The following ZFHX2 variants were observed in gnomAD, a reference collection of about 807,000 sequenced individuals.
ZFHX2 encodes zinc finger homeobox protein 2.
Under a neutral mutation model 164.8 loss-of-function variants are expected in ZFHX2, and 75 were observed. The observed-to-expected ratio is 0.46, with a 90% confidence interval of 0.38 to 0.55. The LOEUF (loss-of-function observed/expected upper bound fraction) is 0.55. Ranked by LOEUF, ZFHX2 falls within the 20% of genes least tolerant of loss-of-function variation. The probability of loss-of-function intolerance (pLI) is 0.00; values close to 1 mark genes in which losing one functional copy is unlikely to be tolerated. For missense variants in ZFHX2, 2,933 were observed against 3,308.0 expected (o/e 0.89, Z 2.78); for synonymous variants, 1,217 against 1,351.4 (o/e 0.90, Z 2.18).
chr14:23,523,043 G>T lies in ZFHX2; in HGVS notation c.6740-102C>A. ...CCACACACACCCGTTCCCAGCACCG[G>T]ATTTCCATGCCCCTTCCCTCCCTTC... On this transcript the variant is annotated intron_variant, in intron 9 of 9. Transcript: ENST00000419474. The surrounding 1 kb of genome is among the most constrained non-coding windows in gnomAD (Gnocchi z 4.1). The T allele has an allele frequency of 2.1e-6, 3 of 1,406,208 alleles. No homozygotes were observed. Among genetic ancestry groups the T allele is most frequent in the Non-Finnish European group, 2.8e-6 (3 of 1,084,842 alleles). The allele number at this position is 1,406,208 out of a possible 1,614,324, so 87.1% of individuals were successfully genotyped here.
chr14:23,530,813 C>T (rs2138753407), intron 4 of ZFHX2: 2 of 241,674 alleles, frequency 8.3e-6, no homozygotes, highest in Admixed American at 5.3e-5. Flanking sequence ...GCTGCGTGTT[C>T]CTGGCTCCTG....
chr14:23,539,771 G>GAAACACT (rs1880595693), intron 1 of ZFHX2, among the ~76,000 whole-genome samples: 1 of 152,106 alleles, frequency 6.6e-6, no homozygotes, highest in East Asian at 1.9e-4. Context: ...GAGAGGAAAG[G>GAAACACT]AAACACTACT....
At chr14:23,544,217 T>G (rs1395886862) in intron 1 of ZFHX2, 2 of 146,686 alleles carry the variant, frequency 1.4e-5, no homozygotes, top group Admixed American at 6.9e-5. Context: ...ATTGCACCAC[T>G]GCACTCCAGC....
Position 23,535,234 on chromosome 14 carries a change from C to A in ZFHX2, c.92G>T (p.Ser31Ile), listed in dbSNP as rs1056155297. ...TTTGGTGACAGGATCAGAGGGGGTGCTGGAGGAGAAGGTGTCCGAAGGCAG... is the reference window on the plus strand; with the variant it reads ...TTTGGTGACAGGATCAGAGGGGGTGATGGAGGAGAAGGTGTCCGAAGGCAG... ...PSLPSDTFSS[S>I]TPSDPVTKDP... The change falls in exon 2 of 10, where the codon AGC becomes ATC. Residue 31 changes from serine to isoleucine, a missense_variant. Coordinates refer to ENST00000419474, the MANE Select transcript of ZFHX2 (RefSeq NM_033400.3). This position sits in a 1 kb window ranked among gnomAD's most constrained non-coding sequence, Gnocchi z 4.5. 36 of 1,520,918 alleles carry A rather than the reference C, an allele frequency of 2.4e-5. No homozygotes were observed. Among genetic ancestry groups the A allele is most frequent in the Non-Finnish European group, 3.0e-5 (34 of 1,135,302 alleles). The allele number at this position is 1,520,918 out of a possible 1,614,324, so 94.2% of individuals were successfully genotyped here. A position where few individuals can be genotyped will look rare whatever the true frequency, so the allele number is the denominator to read the frequency against.
At position 23,530,155 on chromosome 14, in the gene ZFHX2, G is replaced by A. The variant is rs1879343801; in HGVS notation, c.2840C>T (p.Pro947Leu). ...TGTCTTGTTCTGGGCATCTTTCTCA[G>A]GGGTGGGTGGCTCAGCTAAGGGGGT... ...PVTPLAEPPT[P>L]EKDAQNKTEQ... The change falls in exon 5 of 10, where the codon CCT (proline) becomes CTT (leucine). Residue 947 changes from proline (P) to leucine (L), a missense_variant. By Grantham distance (98) the Pro-to-Leu change is moderately conservative (BLOSUM62 -3). Transcript: ENST00000419474. The A allele has an allele frequency of 2.6e-6, 4 of 1,536,150 alleles. No homozygotes were observed. The highest frequency in any genetic ancestry group is 1.7e-4 in the Middle Eastern group (1 of 5,990).
intron 1 of ZFHX2, among the ~76,000 whole-genome samples, chr14:23,541,639 A>G (rs1005173865): frequency 6.6e-6 from 1 of 152,144 alleles, no homozygotes; most frequent in Non-Finnish European, 1.5e-5. Flanking sequence ...AGCCCTCTTG[A>G]TTGCTGGGTC....
Position 23,523,773 on chromosome 14 carries a change from T to A in ZFHX2, c.6169A>T (p.Thr2057Ser), listed in dbSNP as rs1878351291. 1 of 1,535,992 alleles carries A rather than the reference T, an allele frequency of 6.5e-7. No individual in the cohort carries two copies. The highest frequency in any genetic ancestry group is 1.4e-5 in the African/African-American group (1 of 72,986). ...GGTSGGPGGG[T>S]GVPDGMGQRR... ...TGCCCCATTCCATCTGGAACCCCAG[T>A]CCCACCTCCAGGTCCCCCACTGGTC... The change falls in exon 9 of 10, where the codon ACT becomes TCT. Residue 2057 changes from threonine to serine, a missense_variant. By Grantham distance (58) the Thr-to-Ser change is moderately conservative (BLOSUM62 1). Transcript: ENST00000419474. This position sits in a 1 kb window ranked among gnomAD's most constrained non-coding sequence, Gnocchi z 4.1.
chr14:23,536,285 A>C (rs1379455796), intron 1 of ZFHX2, among the ~76,000 whole-genome samples: 1 of 152,230 alleles, frequency 6.6e-6, no homozygotes, highest in Admixed American at 6.5e-5. Context: ...TGCCACAGTC[A>C]GTGTCTTTTG....
Position 23,534,052 on chromosome 14 carries a change from T to G in ZFHX2, c.1274A>C (p.Tyr425Ser). ...CTGGAAGGCTGCAGGGGCTGGGGTG[T>G]AGTCATCAGCTAGGCGATAGGGCTG... ...PPQPYRLADDYTPAPAAFQGL... is the reference protein window; with the variant it reads ...PPQPYRLADDSTPAPAAFQGL... Residue 425 changes from tyrosine (Y) to serine (S), a missense_variant, in exon 2 of 10, where the codon TAC becomes TCC. By Grantham distance (144) the Tyr-to-Ser change is moderately radical. Coordinates refer to ENST00000419474, the MANE Select transcript of ZFHX2 (RefSeq NM_033400.3). This position sits in a 1 kb window ranked among gnomAD's most constrained non-coding sequence, Gnocchi z 4.5. 2 of 1,532,636 alleles carry G rather than the reference T, an allele frequency of 1.3e-6. No homozygotes were observed. Among genetic ancestry groups the G allele is most frequent in the East Asian group, 4.9e-5 (2 of 40,830 alleles). The allele number at this position is 1,532,636 out of a possible 1,614,324, so 94.9% of individuals were successfully genotyped here.
rs201742992 is a variant in ZFHX2 at position 23,539,735 on chromosome 14, GC to G, written c.-49-4362del. ...CAAGACCAGGGCTCCCTTTGGTACA[GC>G]CCCCTCCCACCTCTGGCTGACCAAG... On this transcript the variant is annotated intron_variant, in intron 1 of 9. Transcript: ENST00000419474. Among the ~76,000 whole-genome samples, 446 of 152,240 alleles carry G rather than the reference GC, an allele frequency of 2.9e-3. 4 individuals are homozygous for G. Among genetic ancestry groups the G allele is most frequent in the Middle Eastern group, 0.024 (7 of 294 alleles).
rs1156459761 is a variant in ZFHX2, at chr14:23,534,920, G to C, written c.406C>G (p.Leu136Val). The C allele has an allele frequency of 2.6e-6, 4 of 1,536,174 alleles. No homozygotes were observed. Among genetic ancestry groups the C allele is most frequent in the Non-Finnish European group, 3.5e-6 (4 of 1,146,920 alleles). Residue 136 changes from leucine (L) to valine (V), a missense_variant, in exon 2 of 10, where the codon CTC becomes GTC. Coordinates refer to ENST00000419474, the MANE Select transcript of ZFHX2 (RefSeq NM_033400.3). This position sits in a 1 kb window ranked among gnomAD's most constrained non-coding sequence, Gnocchi z 4.5. ...CAGGGGAAGCCCTTTGGTAACAGGAGTTCACTGCCACCTGGCAGGGACAGC... is the reference window on the plus strand; with the variant it reads ...CAGGGGAAGCCCTTTGGTAACAGGACTTCACTGCCACCTGGCAGGGACAGC... ...AKLSLPGGSE[L>V]LLPKGFPWGE...
Position 23,533,354 on chromosome 14 carries a change from G to C in ZFHX2, c.1972C>G (p.Leu658Val). The C allele has an allele frequency of 6.9e-7, 1 of 1,441,434 alleles. No homozygotes were observed. Among genetic ancestry groups the C allele is most frequent in the Non-Finnish European group, 9.1e-7 (1 of 1,102,150 alleles). 89.3% of individuals were successfully genotyped at this position (1,441,434 alleles called of 1,614,324 possible). The change falls in exon 2 of 10, where the codon CTG (leucine) becomes GTG (valine). Residue 658 changes from leucine to valine, a missense_variant. Leu to Val is a conservative substitution (Grantham distance 32). Transcript: ENST00000419474. The surrounding 1 kb of genome is among the most constrained non-coding windows in gnomAD (Gnocchi z 4.8). ...AGPGLRPDKPLEAQLLLNGFH... is the reference protein window; with the variant it reads ...AGPGLRPDKPVEAQLLLNGFH... ...CCATTGAGAAGTAGCTGGGCTTCCA[G>C]GGGCTTGTCTGGCCTCAGCCCCGGG...
At chr14:23,547,322 T>C (rs2138911715) in intron 1 of ZFHX2, among the ~76,000 whole-genome samples, 1 of 152,382 alleles carries the variant, frequency 6.6e-6, no homozygotes, top group South Asian at 2.1e-4. Flanking sequence ...GGGTCTGGTA[T>C]TGATTTATGA....
rs552380854 is a variant in ZFHX2, at chr14:23,523,806, C to G, written c.6136G>C (p.Ala2046Pro). 248 of 1,536,258 alleles carry G rather than the reference C, an allele frequency of 1.6e-4. 1 individual carries two copies. In the African/African-American group the frequency reaches 3.0e-3, roughly 19 times the overall value. ...SSLAEPESPGAGGTSGGPGGG... is the reference protein window; with the variant it reads ...SSLAEPESPGPGGTSGGPGGG... ...CCAGGTCCCCCACTGGTCCCTCCAG[C>G]CCCAGGGGATTCTGGTTCAGCTAGG... The change falls in exon 9 of 10, where the codon GCT (alanine) becomes CCT (proline). Residue 2046 changes from alanine to proline, a missense_variant. Transcript: ENST00000419474. The surrounding 1 kb of genome is among the most constrained non-coding windows in gnomAD (Gnocchi z 4.1).
chr14:23,548,090 C>T (rs1249571463), intron 1 of ZFHX2, among the ~76,000 whole-genome samples: 1 of 152,200 alleles, frequency 6.6e-6, no homozygotes, highest in Non-Finnish European at 1.5e-5. Context: ...TAGCTTTAGT[C>T]TCCATTCCTA....
At chr14:23,530,725 A>T (rs940439687) in intron 4 of ZFHX2, 22 of 311,252 alleles carry the variant, frequency 7.1e-5, no homozygotes, top group Non-Finnish European at 1.1e-4. Flanking sequence ...CTGCGCCAGG[A>T]TCGTTAGCTA....
chr14:23,522,038 G>A lies in ZFHX2; in HGVS notation c.7643C>T (p.Ala2548Val). ...ATAASAAVAF[A>V]KEEARLPHTD... ...GTGAGGTAATCTTGCTTCCTCTTTG[G>A]CAAAAGCCACAGCAGCCGAGGCAGC... is the stretch of plus-strand genomic sequence containing the variant. The change falls in exon 10 of 10, where the codon GCC becomes GTC. Residue 2548 changes from alanine (A) to valine (V), a missense_variant. Ala to Val is a moderately conservative substitution (Grantham distance 64, BLOSUM62 0). Transcript: ENST00000419474. 1 of 1,536,388 alleles carries A rather than the reference G, an allele frequency of 6.5e-7. No homozygotes were observed. The highest frequency in any genetic ancestry group is 8.7e-7 in the Non-Finnish European group (1 of 1,146,902).
rs1384135102 is a variant in ZFHX2 at position 23,526,917 on chromosome 14, G to A, written c.3192C>T (p.Ser1064=). Residue 1064 remains serine (S), a synonymous_variant, in exon 8 of 10, where the codon AGC becomes AGT. Transcript: ENST00000419474. ...TTKVLSAPTL[S]PLDNGQEPPT... is the part of the protein sequence containing the mutation. ...GGGGTTCTTGGCCATTGTCCAGAGGGCTTAATGTGGGTGCAGACAGCACTT... is the reference window on the plus strand; with the variant it reads ...GGGGTTCTTGGCCATTGTCCAGAGGACTTAATGTGGGTGCAGACAGCACTT... 2.0e-6 allele frequency: 3 copies of A among 1,534,122 alleles called. No homozygotes were observed. The highest frequency in any genetic ancestry group is 1.4e-5 in the African/African-American group (1 of 72,870).
intron 1 of ZFHX2, chr14:23,543,354 A>G (rs1284197639): frequency 6.6e-6 from 1 of 152,146 alleles, no homozygotes; most frequent in Non-Finnish European, 1.5e-5. Context: ...TGAGATTGGA[A>G]CTCAGGTAGC....
Sources: allele counts gnomAD v4.1 joint callset (sites outside exome capture counted in the v4.1 genomes callset), GRCh38; gene constraint gnomAD v4.1.1; non-coding constraint Gnocchi (gnomAD v3.1); transcripts MANE v1.5; gene names NCBI Gene and HGNC (gene_info 2026-07-23, HGNC 2026-07-21).